The following SNAP29 variants were observed in gnomAD, a reference collection of about 807,000 sequenced individuals.
SNAP29 encodes the protein synaptosomal-associated protein 29.
SNAP29 carries 13 observed loss-of-function variants against 27.9 expected under a neutral mutation model. The ratio of observed to expected loss-of-function variants is 0.47; its 90% CI spans 0.30 to 0.74. The LOEUF (loss-of-function observed/expected upper bound fraction) is 0.74, where lower values mean the gene tolerates loss of function less well. Ranked by LOEUF, SNAP29 falls within the 30% of genes least tolerant of loss-of-function variation. The pLI is 0.06. For synonymous variants in SNAP29, 119 were observed against 127.1 expected (o/e 0.94, Z 0.43); for missense variants, 368 against 336.5 (o/e 1.09, Z -0.73).
chr22:20,872,249 AT>A (rs200630117), intron 2 of SNAP29, among the ~76,000 whole-genome samples: 1 of 150,358 alleles, frequency 6.7e-6, no homozygotes, highest in Non-Finnish European at 1.5e-5. Flanking sequence ...TTATTTATTT[AT>A]TTTTTTTGAG....
intron 1 of SNAP29, among the ~76,000 whole-genome samples, chr22:20,862,057 A>T (rs117389845): frequency 6.6e-6 from 1 of 152,232 alleles, no homozygotes; most frequent in Non-Finnish European, 1.5e-5. Context: ...GATGTGAGCC[A>T]CTGCGCCCGG....
At chr22:20,861,738 G>T (rs1350107816) in intron 1 of SNAP29, among the ~76,000 whole-genome samples, 1 of 152,108 alleles carries the variant, frequency 6.6e-6, no homozygotes, top group Non-Finnish European at 1.5e-5. Context: ...CAGGTCAAGC[G>T]ATTCTCCTGC....
intron 1 of SNAP29, among the ~76,000 whole-genome samples, chr22:20,865,327 C>T (rs1928432125): frequency 6.6e-6 from 1 of 152,044 alleles, no homozygotes; most frequent in African/African-American, 2.4e-5. Flanking sequence ...TGTATTCCAG[C>T]CTGGGTGACA....
At position 20,859,217 on chromosome 22, in the gene SNAP29, A is replaced by G; in HGVS notation, c.107A>G (p.Asp36Gly). 1.9e-6 allele frequency: 3 copies of G among 1,604,064 alleles called. No individual in the cohort carries two copies. The highest frequency in any genetic ancestry group is 2.2e-5 in the East Asian group (1 of 44,588). ...RDARDLPDGP[D>G]APADRQQYLR... is the part of the protein sequence containing the mutation. ...GCCCGAGACCTCCCCGACGGGCCCG[A>G]CGCGCCCGCGGACAGGCAGCAGTAC... Residue 36 changes from aspartate to glycine, a missense_variant, in exon 1 of 5, where the codon GAC becomes GGC. Asp to Gly is a moderately conservative substitution (Grantham distance 94, BLOSUM62 -1). Coordinates refer to ENST00000215730, the MANE Select transcript of SNAP29 (RefSeq NM_004782.4).
chr22:20,875,902 T>A (rs1279815157), intron 2 of SNAP29, among the ~76,000 whole-genome samples: 1 of 151,602 alleles, frequency 6.6e-6, no homozygotes, highest in African/African-American at 2.4e-5. Flanking sequence ...GGCTCACGCC[T>A]GTAATCCCAG....
At position 20,890,248 on chromosome 22, in the gene SNAP29, C is replaced by T. The variant is rs528779987; in HGVS notation, c.*2412C>T. 379 of 398,520 alleles carry T rather than the reference C, an allele frequency of 9.5e-4. 2 individuals carry two copies. Among genetic ancestry groups the T allele is most frequent in the African/African-American group, 7.3e-3 (354 of 48,730 alleles). 24.7% of individuals were successfully genotyped at this position (398,520 alleles called of 1,614,324 possible). A position where few individuals can be genotyped will look rare whatever the true frequency, so the allele number is the denominator to read the frequency against. ...ACGTAACATGGCTCCAGAAACTTTTCACATGATGATTGGGATCGACAAAAA... is the reference window on the plus strand; with the variant it reads ...ACGTAACATGGCTCCAGAAACTTTTTACATGATGATTGGGATCGACAAAAA... On this transcript the variant is annotated 3_prime_UTR_variant, in exon 5 of 5. Transcript: ENST00000215730.
chr22:20,874,367 A>AATTAGC (rs1400150489), intron 2 of SNAP29, among the ~76,000 whole-genome samples: 16 of 124,698 alleles, frequency 1.3e-4, no homozygotes, highest in African/African-American at 4.9e-4. Context: ...ACACACACAC[A>AATTAGC]CACACACACA....
In SNAP29 at chr22:20,870,337, G is replaced by C. The variant is rs757585963; in HGVS notation, c.238G>C (p.Glu80Gln). ...SEKVGVASSE[E>Q]LARQRGVLER... is the part of the protein sequence containing the mutation. ...TGCCACTGCCTCTCGGTTTCCCCAG[G>C]AGCTCGCCCGTCAGCGAGGAGTCCT... Residue 80 changes from glutamate (E) to glutamine (Q), a missense_variant and splice_region_variant, in exon 2 of 5, where the codon GAG becomes CAG. Transcript: ENST00000215730. 3 of 1,613,974 alleles carry C rather than the reference G, an allele frequency of 1.9e-6. No homozygotes were observed. The East Asian group carries it at 6.7e-5, about 36-fold the overall frequency.
intron 2 of SNAP29, among the ~76,000 whole-genome samples, chr22:20,877,737 T>C (rs1313935665): frequency 2.0e-5 from 3 of 152,092 alleles, no homozygotes; most frequent in Admixed American, 6.6e-5. Context: ...AAGAAAAAAA[T>C]TGGCTTTCTT....
At chr22:20,884,766 A>ATGTTTTGTTTTGTTTTGTTT (rs361756) in intron 4 of SNAP29, among the ~76,000 whole-genome samples, 6 of 150,906 alleles carry the variant, frequency 4.0e-5, no homozygotes, top group Middle Eastern at 6.8e-3. Flanking sequence ...CTTAGTGATT[A>ATGTTTTGTTTTGTTTTGTTT]TGTTTTGTTT....
intron 2 of SNAP29, among the ~76,000 whole-genome samples, chr22:20,874,535 A>G (rs1432644413): frequency 6.6e-6 from 1 of 150,422 alleles, no homozygotes; most frequent in Non-Finnish European, 1.5e-5. Flanking sequence ...TGATTGTACC[A>G]GTCTACTCCA....
intron 4 of SNAP29, among the ~76,000 whole-genome samples, chr22:20,886,905 A>G (rs165784): frequency 0.5 from 75,133 of 151,488 alleles, 19,158 homozygotes; most frequent in African/African-American, 0.59. Flanking sequence ...GAGCCATTGT[A>G]CCCGGCCAAA....
chr22:20,874,635 C>G (rs1309032572), intron 2 of SNAP29, among the ~76,000 whole-genome samples: 1 of 150,576 alleles, frequency 6.6e-6, no homozygotes, highest in Non-Finnish European at 1.5e-5. Flanking sequence ...TGGGAACCTG[C>G]CGGCCTCAGT....
chr22:20,880,891 G>A (rs1386107199), intron 2 of SNAP29, among the ~76,000 whole-genome samples, 158 bp from the exon 3 acceptor site: 1 of 152,108 alleles, frequency 6.6e-6, no homozygotes. Flanking sequence ...TGTGCTCCTG[G>A]GAGAAGCTGT....
intron 2 of SNAP29, among the ~76,000 whole-genome samples, chr22:20,877,344 G>C (rs917834392): frequency 7.9e-5 from 12 of 152,134 alleles, no homozygotes; most frequent in Admixed American, 3.9e-4. Flanking sequence ...ATCACCTGAG[G>C]TCAGGAGTTC....
chr22:20,879,565 G>T (rs981229584), intron 2 of SNAP29, among the ~76,000 whole-genome samples: 3 of 151,392 alleles, frequency 2.0e-5, no homozygotes, highest in Non-Finnish European at 4.4e-5. Flanking sequence ...TTAAGAATTG[G>T]CCAAGCATGG....
At position 20,891,123 on chromosome 22, in the gene SNAP29, G is replaced by A. The variant is rs1438947161; in HGVS notation, c.*3287G>A. On this transcript the variant is annotated 3_prime_UTR_variant, in exon 5 of 5. Coordinates refer to ENST00000215730, the MANE Select transcript of SNAP29 (RefSeq NM_004782.4). ...TAGTAATTTGTAACTTAGAAGTGGAGTTGCCTTGTGGATGTCTTTTTTGCA... is the reference window on the plus strand; with the variant it reads ...TAGTAATTTGTAACTTAGAAGTGGAATTGCCTTGTGGATGTCTTTTTTGCA... 6.6e-6 allele frequency: 1 copy of A among 152,112 alleles called. No individual in the cohort carries two copies. The highest frequency in any genetic ancestry group is 1.5e-5 in the Non-Finnish European group (1 of 68,036). The allele number at this position is 152,112 out of a possible 1,614,324, so 9.4% of individuals were successfully genotyped here.
chr22:20,874,150 C>T (rs1361357167), intron 2 of SNAP29, among the ~76,000 whole-genome samples: 1 of 148,652 alleles, frequency 6.7e-6, no homozygotes, highest in East Asian at 2.0e-4. Context: ...TGGCGGGCGC[C>T]TGTGGTCCCA....
At chr22:20,871,419 A>G (rs1170275648) in intron 2 of SNAP29, among the ~76,000 whole-genome samples, 2 of 149,520 alleles carry the variant, frequency 1.3e-5, no homozygotes, top group Non-Finnish European at 3.0e-5. Context: ...GGTGTTAGAG[A>G]CTAGAGTTAA....
Sources: gnomAD v4.1 joint callset for allele counts (sites outside exome capture counted in the v4.1 genomes callset) on GRCh38, gnomAD v4.1.1 for gene constraint, MANE v1.5 for transcripts, NCBI Gene and HGNC (gene_info 2026-07-23, HGNC 2026-07-21) for gene names.